GRM5: variants seen among roughly 807,000 people sequenced by gnomAD.
GRM5 encodes the protein glutamate metabotropic receptor 5, also known as metabotropic glutamate receptor 5.
In GRM5, 19 loss-of-function variants were observed where a neutral mutation model predicts 83.1. The ratio of observed to expected loss-of-function variants is 0.23; its 90% confidence interval spans 0.16 to 0.34. The LOEUF (loss-of-function observed/expected upper bound fraction) is 0.34. Ranked by LOEUF, GRM5 falls within the 10% of genes least tolerant of loss-of-function variation. The pLI is 1.00. For synonymous variants in GRM5, 675 were observed against 633.6 expected (o/e 1.07, Z -0.98); for missense variants, 1,160 against 1,588.3 (o/e 0.73, Z 4.58).
At chr11:89,007,497 T>A (rs1188259981) in intron 2 of GRM5, among the ~76,000 whole-genome samples, 1 of 152,212 alleles carries the variant, frequency 6.6e-6, no homozygotes, top group East Asian at 1.9e-4. Flanking sequence ...TCTGCTGCTA[T>A]TTTATGTTTA....
intron 3 of GRM5, among the ~76,000 whole-genome samples, chr11:88,801,329 T>G (rs2135486618): frequency 6.6e-6 from 1 of 152,282 alleles, no homozygotes; most frequent in African/African-American, 2.4e-5. Context: ...TACTGTTAAG[T>G]TGGTGCAAAA....
intron 3 of GRM5, among the ~76,000 whole-genome samples, chr11:88,799,684 GC>G (rs1168493074): frequency 6.6e-6 from 1 of 151,928 alleles, no homozygotes; most frequent in African/African-American, 2.4e-5. Flanking sequence ...GATATATATG[GC>G]CCCCAGTCTC....
intron 2 of GRM5, among the ~76,000 whole-genome samples, chr11:88,865,304 T>C (rs2135555194): frequency 6.6e-6 from 1 of 152,180 alleles, no homozygotes; most frequent in South Asian, 2.1e-4. Flanking sequence ...AAACAAGCAA[T>C]GGGGAAAGGA....
intron 3 of GRM5, among the ~76,000 whole-genome samples, chr11:88,681,912 AG>A (rs1474228705): frequency 1.3e-5 from 2 of 151,936 alleles, no homozygotes; most frequent in Non-Finnish European, 2.9e-5. Context: ...TTTTTGTGAA[AG>A]TGGAAAACCA....
At chr11:88,871,969 AG>A (rs1189024278) in intron 2 of GRM5, among the ~76,000 whole-genome samples, 4 of 151,548 alleles carry the variant, frequency 2.6e-5, no homozygotes, top group Non-Finnish European at 4.4e-5. Flanking sequence ...AATAAATGTT[AG>A]GAAAAAAAAC....
intron 4 of GRM5, among the ~76,000 whole-genome samples, chr11:88,642,103 A>G (rs1035609503): frequency 2.0e-5 from 3 of 152,164 alleles, no homozygotes; most frequent in African/African-American, 4.8e-5. Context: ...AAATCGAGGT[A>G]GAGGCTGTCA....
intron 2 of GRM5, among the ~76,000 whole-genome samples, chr11:88,911,738 A>G (rs1300889874): frequency 2.6e-5 from 4 of 152,132 alleles, no homozygotes; most frequent in Non-Finnish European, 5.9e-5. Context: ...GTGTTGCCTC[A>G]GAAGCTAAAA....
At chr11:89,065,743 T>C (rs991999038) in intron 1 of GRM5, 33 bp downstream of exon 1, 2 of 152,190 alleles carry the variant, frequency 1.3e-5, no homozygotes, top group East Asian at 1.9e-4. Flanking sequence ...GTGGTAACTA[T>C]AGCCAAGAGA....
chr11:88,630,939 A>G (rs943113288), intron 4 of GRM5, among the ~76,000 whole-genome samples: 2 of 150,990 alleles, frequency 1.3e-5, no homozygotes, highest in African/African-American at 4.8e-5. Flanking sequence ...TATCTTTGAT[A>G]GAAGGCTCTC....
chr11:88,581,631 C>G (rs1022235412), intron 7 of GRM5, among the ~76,000 whole-genome samples: 1 of 152,156 alleles, frequency 6.6e-6, no homozygotes, highest in Non-Finnish European at 1.5e-5. Context: ...ATGTAGTGAA[C>G]TTATCTAGAG....
At chr11:88,550,692 C>T (rs116466912) in intron 8 of GRM5, among the ~76,000 whole-genome samples, 2,231 of 152,182 alleles carry the variant, frequency 0.015, 63 homozygotes, top group African/African-American at 0.051. Flanking sequence ...GGGAAATGGA[C>T]AGTCATTTAT....
chr11:88,642,401 C>G (rs1004645283), intron 4 of GRM5, among the ~76,000 whole-genome samples: 2 of 152,094 alleles, frequency 1.3e-5, no homozygotes, highest in African/African-American at 4.8e-5. Context: ...GCGGCCTTTC[C>G]CTCATTATCT....
intron 2 of GRM5, among the ~76,000 whole-genome samples, chr11:88,941,418 AGAG>A (rs1938087543): frequency 2.1e-5 from 3 of 145,220 alleles, no homozygotes; most frequent in Non-Finnish European, 4.5e-5. Flanking sequence ...AGAGGGGAGA[AGAG>A]GAGAAGAGAC....
chr11:88,570,965 T>C (rs980313826), intron 7 of GRM5, among the ~76,000 whole-genome samples: 1 of 152,130 alleles, frequency 6.6e-6, no homozygotes, highest in Non-Finnish European at 1.5e-5. Context: ...TGCTAGGTCA[T>C]GTGCTGCTAA....
chr11:88,712,313 G>A (rs554540083), intron 3 of GRM5, among the ~76,000 whole-genome samples: 1 of 152,048 alleles, frequency 6.6e-6, no homozygotes, highest in African/African-American at 2.4e-5. Flanking sequence ...TCCCATATAT[G>A]TCCTACAAGC....
intron 3 of GRM5, among the ~76,000 whole-genome samples, chr11:88,744,006 G>C (rs1035651457): frequency 6.6e-6 from 1 of 152,080 alleles, no homozygotes; most frequent in Admixed American, 6.6e-5. Flanking sequence ...TGCTGAACAA[G>C]GCAACTGTCC....
intron 8 of GRM5, among the ~76,000 whole-genome samples, chr11:88,551,587 C>A (rs1044147893): frequency 4.6e-5 from 7 of 152,238 alleles, no homozygotes; most frequent in Admixed American, 1.3e-4. Context: ...CAAGGTCAAG[C>A]TTTAGAGAAA....
At chr11:89,055,382 A>G (rs948771997) in intron 1 of GRM5, among the ~76,000 whole-genome samples, 3 of 152,156 alleles carry the variant, frequency 2.0e-5, no homozygotes, top group African/African-American at 7.2e-5. Context: ...AATTATTACC[A>G]TATCCCTCAC....
chr11:88,629,809 A>G (rs528999744), intron 4 of GRM5, among the ~76,000 whole-genome samples: 8 of 152,256 alleles, frequency 5.3e-5, no homozygotes, highest in Admixed American at 2.0e-4. Flanking sequence ...TATCTGCTAC[A>G]AAAAAGGCCA....
Sources: allele counts gnomAD v4.1 joint callset (sites outside exome capture counted in the v4.1 genomes callset), GRCh38; gene constraint gnomAD v4.1.1; transcripts MANE v1.5; gene names NCBI Gene and HGNC (gene_info 2026-07-23, HGNC 2026-07-21).